UMAD1: variants seen among roughly 807,000 people sequenced by gnomAD.
UMAD1 encodes UBAP1-MVB12-associated (UMA)-domain containing protein 1.
A neutral mutation model predicts 6.1 loss-of-function variants in UMAD1; 8 were observed. The observed-to-expected ratio is 1.30, with a 90% CI of 0.76 to 2.35. The LOEUF is 2.35. UMAD1 is among the 30% of genes most tolerant of loss of function. The pLI, the probability that UMAD1 is intolerant of heterozygous loss-of-function variation, is 0.00. For synonymous variants in UMAD1, 56 were observed against 31.4 expected, an observed-to-expected ratio of 1.78 and a Z score of -2.61; for missense variants, 130 against 78.4, an observed-to-expected ratio of 1.66 and a Z score of -2.49.
At chr7:7,691,519 A>G (rs1350501595) in intron 2 of UMAD1, among the ~76,000 whole-genome samples, 2 of 152,218 alleles carry the variant, frequency 1.3e-5, no homozygotes, top group South Asian at 2.1e-4. Context: ...GACATTCACT[A>G]TATGAAGAGA....
At chr7:7,824,048 A>G (rs1175236087) in intron 3 of UMAD1, among the ~76,000 whole-genome samples, 1 of 152,138 alleles carries the variant, frequency 6.6e-6, no homozygotes, top group African/African-American at 2.4e-5. Context: ...CCAAACAACA[A>G]ACATTACCAT....
chr7:7,848,176 G>C (rs1783846929), intron 3 of UMAD1, among the ~76,000 whole-genome samples: 1 of 152,008 alleles, frequency 6.6e-6, no homozygotes, highest in Admixed American at 6.6e-5. Flanking sequence ...CAATTTACTA[G>C]TCTCTGTTTC....
At chr7:7,661,735 G>A (rs188111999) in intron 1 of UMAD1, among the ~76,000 whole-genome samples, 1 of 152,322 alleles carries the variant, frequency 6.6e-6, no homozygotes, top group African/African-American at 2.4e-5. Context: ...TCTATGAGGT[G>A]TCTGTCGGCC....
At chr7:7,859,135 G>A (rs74943851) in intron 3 of UMAD1, among the ~76,000 whole-genome samples, 3,316 of 152,114 alleles carry the variant, frequency 0.022, 126 homozygotes, top group African/African-American at 0.075. Flanking sequence ...CTAATTTATT[G>A]TTTTCCTGAT....
At chr7:7,821,810 G>A (rs1378139822) in intron 3 of UMAD1, among the ~76,000 whole-genome samples, 1 of 152,106 alleles carries the variant, frequency 6.6e-6, no homozygotes, top group Non-Finnish European at 1.5e-5. Flanking sequence ...CTTTTATGTG[G>A]TTGTTAGTAT....
intron 1 of UMAD1, among the ~76,000 whole-genome samples, chr7:7,664,332 C>G (rs1008069455): frequency 1.3e-5 from 2 of 152,094 alleles, no homozygotes; most frequent in Admixed American, 6.6e-5. Flanking sequence ...CTTCTTGGCT[C>G]CAGGCTCTTC....
chr7:7,780,341 C>T (rs12702649), intron 2 of UMAD1, among the ~76,000 whole-genome samples: 71,451 of 152,098 alleles, frequency 0.47, 16,801 homozygotes, highest in Non-Finnish European at 0.5. Context: ...TCCCAGTGAC[C>T]TCCTTTCCTT....
chr7:7,819,611 A>G (rs571631034), intron 3 of UMAD1, among the ~76,000 whole-genome samples: 2 of 152,210 alleles, frequency 1.3e-5, no homozygotes, highest in Non-Finnish European at 2.9e-5. Flanking sequence ...ATGGAGAACC[A>G]AAACCGGTGT....
At chr7:7,685,447 C>T (rs974978631) in intron 2 of UMAD1, among the ~76,000 whole-genome samples, 2 of 151,764 alleles carry the variant, frequency 1.3e-5, no homozygotes, top group African/African-American at 2.4e-5. Flanking sequence ...GTAGCTGGGA[C>T]TACAGGTGTG....
At chr7:7,865,505 G>GA (rs1287432552) in intron 3 of UMAD1, among the ~76,000 whole-genome samples, 1 of 152,078 alleles carries the variant, frequency 6.6e-6, no homozygotes, top group Non-Finnish European at 1.5e-5. Flanking sequence ...GTTCCTTACA[G>GA]AAAAAAATCC....
chr7:7,685,381 C>T (rs907520209), intron 2 of UMAD1, among the ~76,000 whole-genome samples: 1 of 150,976 alleles, frequency 6.6e-6, no homozygotes, highest in African/African-American at 2.4e-5. Context: ...GCCATCTCAG[C>T]TCACTGCAAC....
chr7:7,735,780 A>G (rs1184383974), intron 2 of UMAD1: 1 of 152,224 alleles, frequency 6.6e-6, no homozygotes, highest in African/African-American at 2.4e-5. Context: ...ATTTTGACCC[A>G]ATAGTTTTAG....
intron 3 of UMAD1, among the ~76,000 whole-genome samples, chr7:7,835,427 G>GATTTTC (rs1302036463): frequency 2.7e-5 from 1 of 37,598 alleles, no homozygotes; most frequent in Non-Finnish European, 5.8e-5. Context: ...CTTGCTCTGT[G>GATTTTC]ATTTTCATTC....
chr7:7,711,510 A>G (rs944988146), intron 2 of UMAD1, among the ~76,000 whole-genome samples: 1 of 152,176 alleles, frequency 6.6e-6, no homozygotes, highest in African/African-American at 2.4e-5. Flanking sequence ...TATCCTTTTT[A>G]ACATGTAATA....
chr7:7,780,278 C>A (rs1014434794), intron 2 of UMAD1, among the ~76,000 whole-genome samples: 1 of 152,170 alleles, frequency 6.6e-6, no homozygotes, highest in Non-Finnish European at 1.5e-5. Flanking sequence ...AGGGGTATTT[C>A]CCCATTTCCT....
At chr7:7,785,866 G>T (rs1436240523) in intron 2 of UMAD1, among the ~76,000 whole-genome samples, 1 of 152,104 alleles carries the variant, frequency 6.6e-6, no homozygotes, top group Non-Finnish European at 1.5e-5. Context: ...CATTTTAGTT[G>T]GTGGGTTAAA....
chr7:7,826,697 C>T lies in UMAD1; in HGVS notation c.156+24954C>T, dbSNP rs57234850. ...AGGGGACTAGGGTAAAACCCACCCC[C>T]CTTTAAGTAATTTTCTGAAAGCCCC... On this transcript the variant is annotated intron_variant, in intron 3 of 3. Coordinates refer to ENST00000682710, the MANE Select transcript of UMAD1 (RefSeq NM_001302348.2). Among the ~76,000 whole-genome samples the T allele has an allele frequency of 1.7e-3, 257 of 152,240 alleles. 3 individuals are homozygous for T. In the East Asian group the frequency reaches 0.025, roughly 15 times the overall value.
At position 7,730,483 on chromosome 7, in the gene UMAD1, C is replaced by CT. The variant is rs147618648; in HGVS notation, c.82+57035dup. On this transcript the variant is annotated intron_variant, in intron 2 of 3. Transcript: ENST00000682710. Reference sequence around the variant, plus strand: ...GATCTTGTCTCATCCAGTTCTCGTCCTTTTTCTACCTTTAAACTTACCTCT... The same window carrying CT: ...GATCTTGTCTCATCCAGTTCTCGTCCTTTTTTCTACCTTTAAACTTACCTCT... Among the ~76,000 whole-genome samples the CT allele has an allele frequency of 2.7e-3, 417 of 152,238 alleles. 7 individuals are homozygous for CT. The highest frequency in any genetic ancestry group is 5.0e-3 in the Admixed American group (76 of 15,294).
At chr7:7,798,296 T>G (rs1483756176) in intron 2 of UMAD1, among the ~76,000 whole-genome samples, 3 of 152,214 alleles carry the variant, frequency 2.0e-5, no homozygotes, top group African/African-American at 7.2e-5. Context: ...AAGAGCTTCA[T>G]TAGTATGTAT....
Sources: allele counts gnomAD v4.1 joint callset (sites outside exome capture counted in the v4.1 genomes callset), GRCh38; gene constraint gnomAD v4.1.1; transcripts MANE v1.5; gene names NCBI Gene and HGNC (gene_info 2026-07-23, HGNC 2026-07-21).